The following PAX3 variants were observed in gnomAD, a reference collection of about 807,000 sequenced individuals.
The protein encoded by PAX3 is paired box 3.
Under a neutral mutation model 51.6 loss-of-function variants are expected in PAX3, and 14 were observed. The ratio of observed to expected loss-of-function variants is 0.27; its 90% CI spans 0.18 to 0.42. The LOEUF is 0.42. PAX3 is among the 10% of genes least tolerant of loss of function. The pLI, the probability that PAX3 is intolerant of heterozygous loss-of-function variation, is 1.00. For synonymous variants in PAX3, 280 were observed against 253.4 expected, an observed-to-expected ratio of 1.11 and a Z score of -1.00; for missense variants, 540 against 642.8, an observed-to-expected ratio of 0.84 and a Z score of 1.73.
At chr2:222,227,920 G>A (rs1692446435) in intron 5 of PAX3, among the ~76,000 whole-genome samples, 2 of 152,072 alleles carry the variant, frequency 1.3e-5, no homozygotes, top group South Asian at 2.1e-4. Context: ...TTAGAAGAGT[G>A]TAGAAATATT....
At chr2:222,219,146 T>G (rs1359069709) in intron 7 of PAX3, among the ~76,000 whole-genome samples, 2 of 152,210 alleles carry the variant, frequency 1.3e-5, no homozygotes, top group Non-Finnish European at 2.9e-5. Context: ...GCAGCGGTGA[T>G]AGTCAGTGAT....
At chr2:222,233,632 G>C (rs573933207) in intron 4 of PAX3, among the ~76,000 whole-genome samples, 1 of 152,252 alleles carries the variant, frequency 6.6e-6, no homozygotes, top group South Asian at 2.1e-4. Flanking sequence ...CTACAGGCAG[G>C]AAGAGCAGCC....
intron 4 of PAX3, among the ~76,000 whole-genome samples, chr2:222,269,282 A>C (rs1415487621): frequency 6.6e-6 from 1 of 152,164 alleles, no homozygotes. Flanking sequence ...TTGAATGCGC[A>C]CAGTCCATCA....
chr2:222,284,701 C>T (rs980639524), intron 4 of PAX3, among the ~76,000 whole-genome samples: 1 of 152,102 alleles, frequency 6.6e-6, no homozygotes, highest in African/African-American at 2.4e-5. Flanking sequence ...TTGGGCAGAG[C>T]CCATCTGCTA....
At chr2:222,240,804 A>T (rs977413941) in intron 4 of PAX3, among the ~76,000 whole-genome samples, 1 of 152,206 alleles carries the variant, frequency 6.6e-6, no homozygotes, top group Non-Finnish European at 1.5e-5. Flanking sequence ...TCCTTTTACA[A>T]CACGAATGAC....
rs1380708937 is a variant in PAX3 at position 222,293,662 on chromosome 2, G to T, written c.586+505C>A. 2.5e-6 allele frequency: 4 copies of T among 1,614,120 alleles called. No homozygotes were observed. The South Asian group carries it at 4.4e-5, about 18-fold the overall frequency. On this transcript the variant is annotated intron_variant, in intron 4 of 8. Coordinates refer to ENST00000392070, the MANE Select transcript of PAX3 (RefSeq NM_181458.4). ...AACACACAGACATATTTATAAGGCA[G>T]CCAATGTGGGGGCAATTTTGGAGGG...
intron 4 of PAX3, among the ~76,000 whole-genome samples, chr2:222,285,335 T>C (rs1009519359): frequency 2.0e-5 from 3 of 152,088 alleles, no homozygotes; most frequent in Admixed American, 6.5e-5. Context: ...AAGAAAGAGG[T>C]AGTATGAAGG....
chr2:222,296,190 C>T (rs959206790), intron 2 of PAX3, among the ~76,000 whole-genome samples: 8 of 152,148 alleles, frequency 5.3e-5, no homozygotes, highest in Admixed American at 4.6e-4. Flanking sequence ...CTCTCTACCC[C>T]CAATATATAT....
At chr2:222,229,593 C>T (rs1574658104) in intron 5 of PAX3, among the ~76,000 whole-genome samples, 1 of 152,200 alleles carries the variant, frequency 6.6e-6, no homozygotes, top group Non-Finnish European at 1.5e-5. Flanking sequence ...CATGCCATAG[C>T]CCCCACTCCC....
chr2:222,231,993 G>T, intron 5 of PAX3, 85 bp downstream of exon 5: 1 of 1,263,942 alleles, frequency 7.9e-7, no homozygotes, highest in Non-Finnish European at 1.2e-6. Context: ...TTTTTGGGGG[G>T]GATTGACATA....
chr2:222,235,531 T>G (rs1171848030), intron 4 of PAX3, among the ~76,000 whole-genome samples: 1 of 152,188 alleles, frequency 6.6e-6, no homozygotes, highest in African/African-American at 2.4e-5. Context: ...ATACCTGCAT[T>G]GTTTGGAAGA....
chr2:222,256,915 G>T (rs938085907), intron 4 of PAX3, among the ~76,000 whole-genome samples: 4 of 152,166 alleles, frequency 2.6e-5, no homozygotes, highest in Non-Finnish European at 5.9e-5. Context: ...TGCTTCCATT[G>T]TATCATTGAA....
chr2:222,218,909 T>C (rs973086315), intron 7 of PAX3, among the ~76,000 whole-genome samples: 1 of 152,214 alleles, frequency 6.6e-6, no homozygotes, highest in East Asian at 1.9e-4. Flanking sequence ...GCGGAAATGT[T>C]TATTTCATTG....
rs1695440214 is a variant in PAX3, at chr2:222,298,634, C to A, written c.-19G>T. 3 of 1,593,354 alleles carry A rather than the reference C, an allele frequency of 1.9e-6. No homozygotes were observed. The South Asian group carries it at 3.4e-5, about 18-fold the overall frequency. ...TGGTCATCCTGGGGGCAGCTTCGCT[C>A]GGAAATTATATCCAGGTGAAGGCGA... On this transcript the variant is annotated 5_prime_UTR_variant, in exon 1 of 9. Transcript: ENST00000392070.
At chr2:222,288,053 AT>A (rs1194348276) in intron 4 of PAX3, among the ~76,000 whole-genome samples, 1 of 152,258 alleles carries the variant, frequency 6.6e-6, no homozygotes, top group African/African-American at 2.4e-5. Context: ...CAGAGATAGT[AT>A]TTCCAAAAGA....
At chr2:222,221,921 C>A (rs1466285479) in intron 5 of PAX3, among the ~76,000 whole-genome samples, 1 of 150,998 alleles carries the variant, frequency 6.6e-6, no homozygotes, top group Non-Finnish European at 1.5e-5. Flanking sequence ...TTCATCTCTT[C>A]CAAAATATGA....
intron 4 of PAX3, among the ~76,000 whole-genome samples, chr2:222,251,247 C>T (rs532230960): frequency 1.6e-4 from 25 of 152,230 alleles, no homozygotes; most frequent in African/African-American, 6.0e-4. Flanking sequence ...AATGCTATCC[C>T]TCCACCCTCC....
intron 7 of PAX3, among the ~76,000 whole-genome samples, chr2:222,219,384 A>G (rs1028622858): frequency 3.1e-4 from 47 of 152,134 alleles, no homozygotes; most frequent in Non-Finnish European, 4.9e-4. Flanking sequence ...CTCTCTAATA[A>G]AATCAAGGGA....
At chr2:222,254,869 G>A (rs573695779) in intron 4 of PAX3, among the ~76,000 whole-genome samples, 3 of 152,076 alleles carry the variant, frequency 2.0e-5, no homozygotes, top group East Asian at 3.9e-4. Context: ...TGCAACCTCC[G>A]CCTCCTGGGT....
Sources: allele counts gnomAD v4.1 joint callset (sites outside exome capture counted in the v4.1 genomes callset), GRCh38; gene constraint gnomAD v4.1.1; transcripts MANE v1.5; gene names NCBI Gene and HGNC (gene_info 2026-07-23, HGNC 2026-07-21).